Variants in TTC39B observed in about 807,000 individuals in gnomAD.
The protein encoded by TTC39B is tetratricopeptide repeat domain 39B.
Under a neutral mutation model 96.6 loss-of-function variants are expected in TTC39B, and 92 were observed. The observed-to-expected ratio is 0.95, with a 90% confidence interval of 0.80 to 1.13. TTC39B has a LOEUF of 1.13. Among genes scored for constraint, TTC39B ranks in the 50% most tolerant of loss-of-function variants. The pLI is 0.00. For missense variants in TTC39B, 955 were observed against 809.3 expected, an observed-to-expected ratio of 1.18 and a Z score of -2.18; for synonymous variants, 367 against 299.4, an observed-to-expected ratio of 1.23 and a Z score of -2.33.
chr9:15,291,752 A>G (rs1300474858), intron 1 of TTC39B, among the ~76,000 whole-genome samples: 1 of 152,210 alleles, frequency 6.6e-6, no homozygotes, highest in East Asian at 1.9e-4. Context: ...AAGAATTAAA[A>G]AAAAAAATCA....
chr9:15,248,070 T>G (rs1822364983), intron 2 of TTC39B, among the ~76,000 whole-genome samples: 1 of 152,220 alleles, frequency 6.6e-6, no homozygotes, highest in South Asian at 2.1e-4. Context: ...GTTGAAGATT[T>G]TTTTTAAAAG....
intron 2 of TTC39B, among the ~76,000 whole-genome samples, chr9:15,250,690 G>T (rs1434941972): frequency 1.3e-5 from 2 of 152,206 alleles, no homozygotes. Flanking sequence ...GAAACTAGAA[G>T]ATAGTAGGCA....
intron 4 of TTC39B, among the ~76,000 whole-genome samples, chr9:15,212,665 G>A (rs552961046): frequency 1.3e-5 from 2 of 152,316 alleles, no homozygotes; most frequent in South Asian, 4.1e-4. Flanking sequence ...GACCTCAGGT[G>A]ATCCATCTGC....
chr9:15,280,101 T>A (rs1376734703), intron 1 of TTC39B, among the ~76,000 whole-genome samples: 1 of 152,170 alleles, frequency 6.6e-6, no homozygotes, highest in African/African-American at 2.4e-5. Flanking sequence ...TTTTGCCATG[T>A]TGGCCTGGCT....
exon 5 of TTC39B, chr9:15,211,367 G>C: frequency 6.3e-7 from 1 of 1,592,880 alleles, no homozygotes; most frequent in Non-Finnish European, 8.5e-7. Flanking sequence ...TGGTACTGTA[G>C]CCCAAGGCAT....
intron 1 of TTC39B, among the ~76,000 whole-genome samples, chr9:15,285,531 A>G (rs1044512108): frequency 1.3e-5 from 2 of 152,156 alleles, no homozygotes; most frequent in Non-Finnish European, 2.9e-5. Flanking sequence ...CCTATTATGT[A>G]CCCATAATTA....
At chr9:15,201,579 T>C (rs1819540962) in intron 7 of TTC39B, among the ~76,000 whole-genome samples, 1 of 151,980 alleles carries the variant, frequency 6.6e-6, no homozygotes, top group Non-Finnish European at 1.5e-5. Flanking sequence ...AAAACTCAAG[T>C]GGAAAGACAG....
intron 2 of TTC39B, among the ~76,000 whole-genome samples, chr9:15,243,602 G>A (rs928740790): frequency 2.6e-5 from 4 of 152,146 alleles, no homozygotes; most frequent in Admixed American, 1.3e-4. Context: ...TGTCAAAGAC[G>A]CTACTCACTA....
intron 2 of TTC39B, among the ~76,000 whole-genome samples, chr9:15,233,914 C>T (rs911952107): frequency 4.4e-4 from 66 of 150,960 alleles, no homozygotes; most frequent in Admixed American, 7.2e-4. Flanking sequence ...AAGTGAGGAG[C>T]GCCTCTTCCC....
chr9:15,199,195 A>G (rs753182275), intron 8 of TTC39B, among the ~76,000 whole-genome samples: 20 of 152,226 alleles, frequency 1.3e-4, no homozygotes, highest in Non-Finnish European at 2.5e-4. Flanking sequence ...GAACATTTCC[A>G]TCTATTGCAG....
Position 15,188,439 on chromosome 9 carries a change from C to G in TTC39B, c.1234-307G>C, listed in dbSNP as rs118161206. On this transcript the variant is annotated intron_variant, in intron 13 of 19. Coordinates refer to ENST00000512701, the Ensembl canonical transcript of TTC39B. ...CAATAAAGTTAGAACTTCCATAGGA[C>G]AAAACACTGTAGGCAGAGTTACAGG... 9.6e-3 allele frequency among the ~76,000 whole-genome samples: 1,457 copies of G among 152,172 alleles called. 11 individuals carry two copies. The highest frequency in any genetic ancestry group is 0.016 in the Non-Finnish European group (1,077 of 68,008).
intron 2 of TTC39B, among the ~76,000 whole-genome samples, chr9:15,238,597 A>C (rs1821893954): frequency 6.6e-6 from 1 of 152,226 alleles, no homozygotes; most frequent in Non-Finnish European, 1.5e-5. Context: ...CTCTACAAGA[A>C]GAACAACAAA....
intron 1 of TTC39B, among the ~76,000 whole-genome samples, chr9:15,300,145 C>G (rs1307331464): frequency 6.6e-6 from 1 of 152,170 alleles, no homozygotes; most frequent in Admixed American, 6.5e-5. Flanking sequence ...CCCTCATGAA[C>G]AAATGGCCCA....
At chr9:15,261,304 CTG>C (rs1822936271) in intron 2 of TTC39B, among the ~76,000 whole-genome samples, 1 of 151,930 alleles carries the variant, frequency 6.6e-6, no homozygotes, top group Non-Finnish European at 1.5e-5. Context: ...CATAGGGAGA[CTG>C]CATCTCTACA....
At chr9:15,207,983 CA>C (rs531829809) in intron 6 of TTC39B, among the ~76,000 whole-genome samples, 142 of 84,612 alleles carry the variant, frequency 1.7e-3, no homozygotes, top group Middle Eastern at 6.9e-3. Context: ...GACTTGGTCT[CA>C]AAAAAAAAAA....
intron 2 of TTC39B, among the ~76,000 whole-genome samples, chr9:15,257,825 C>T (rs756706683): frequency 9.9e-5 from 15 of 151,786 alleles, no homozygotes; most frequent in East Asian, 3.9e-4. Flanking sequence ...TTTGGGAGTC[C>T]GAGGTGGGTG....
chr9:15,258,794 C>A (rs542983858), intron 2 of TTC39B, among the ~76,000 whole-genome samples: 2 of 152,248 alleles, frequency 1.3e-5, no homozygotes, highest in South Asian at 4.2e-4. Context: ...GCTGGGACCT[C>A]CTTGGTAAGA....
chr9:15,299,615 C>T (rs566172296), intron 1 of TTC39B, among the ~76,000 whole-genome samples: 1 of 152,306 alleles, frequency 6.6e-6, no homozygotes, highest in African/African-American at 2.4e-5. Context: ...GCCTCAAAAG[C>T]ACCCACAGGA....
chr9:15,208,833 A>G (rs1168539612), intron 6 of TTC39B, among the ~76,000 whole-genome samples: 1 of 152,222 alleles, frequency 6.6e-6, no homozygotes, highest in Non-Finnish European at 1.5e-5. Context: ...GCTTCACATC[A>G]TGCAAATGTT....
Sources: gnomAD v4.1 joint callset for allele counts (sites outside exome capture counted in the v4.1 genomes callset) on GRCh38, gnomAD v4.1.1 for gene constraint, MANE v1.5 for transcripts, NCBI Gene and HGNC (gene_info 2026-07-23, HGNC 2026-07-21) for gene names.